Variants in NCOR1 observed in about 807,000 individuals in gnomAD.
NCOR1 encodes nuclear receptor corepressor 1.
In NCOR1, 63 loss-of-function variants were observed where a neutral mutation model predicts 288.1. That is an observed-to-expected ratio of 0.22 (90% CI 0.18 to 0.27). The LOEUF is 0.27. NCOR1 is among the 10% of genes least tolerant of loss of function. NCOR1 has a pLI of 1.00. For synonymous variants in NCOR1, 1,007 were observed against 1,065.9 expected, an observed-to-expected ratio of 0.94 and a Z score of 1.08; for missense variants, 2,397 against 3,019.2, an observed-to-expected ratio of 0.79 and a Z score of 4.83.
chr17:16,079,893 A>G (rs2152810580), intron 26 of NCOR1, 71 bp downstream of exon 26: 1 of 1,341,574 alleles, frequency 7.5e-7, no homozygotes, highest in Admixed American at 1.8e-5. Context: ...CAAAATAGCC[A>G]AAGTGCTAAG....
intron 18 of NCOR1, among the ~76,000 whole-genome samples, chr17:16,112,753 T>G (rs2070576057): frequency 1.3e-5 from 2 of 152,122 alleles, no homozygotes; most frequent in Admixed American, 1.3e-4. Context: ...CCTCCCAACG[T>G]GCTGGGATTA....
intron 40 of NCOR1, 120 bp downstream of exon 40, chr17:16,057,393 CT>C: frequency 2.1e-6 from 2 of 974,398 alleles, no homozygotes; most frequent in East Asian, 2.5e-5. Flanking sequence ...CTCATTTACA[CT>C]TTCCTGGGAA....
intron 29 of NCOR1, 69 bp from the exon 30 acceptor site, chr17:16,071,734 A>G (rs1048599712): frequency 5.6e-6 from 8 of 1,421,078 alleles, no homozygotes; most frequent in Non-Finnish European, 7.6e-6. Context: ...GGAACTGTGC[A>G]CTTAAAAATG....
chr17:16,068,390 A>G, intron 31 of NCOR1: 1 of 380,294 alleles, frequency 2.6e-6, no homozygotes, highest in South Asian at 2.8e-5. Context: ...CATTAAAAAT[A>G]AAATTCAATA....
At chr17:16,182,744 G>A (rs1159741667) in intron 3 of NCOR1, among the ~76,000 whole-genome samples, 1 of 152,146 alleles carries the variant, frequency 6.6e-6, no homozygotes, top group Non-Finnish European at 1.5e-5. Context: ...GAGCCACAGT[G>A]CCCGGCCCAA....
chr17:16,195,476 A>C (rs2089578623), intron 1 of NCOR1, among the ~76,000 whole-genome samples: 1 of 124,332 alleles, frequency 8.0e-6, no homozygotes, highest in South Asian at 2.3e-4. Flanking sequence ...GTCTCAAAAA[A>C]AAAAAGAAAG....
At chr17:16,181,150 CTCTG>C (rs755556427) in intron 3 of NCOR1, among the ~76,000 whole-genome samples, 18 of 149,114 alleles carry the variant, frequency 1.2e-4, no homozygotes, top group Non-Finnish European at 2.2e-4. Context: ...CAGAGTGAGA[CTCTG>C]TCTAAAAAAA....
At chr17:16,078,182 T>C (rs1481566841) in intron 26 of NCOR1, among the ~76,000 whole-genome samples, 12 of 152,184 alleles carry the variant, frequency 7.9e-5, no homozygotes, top group Admixed American at 6.5e-4. Context: ...TGGTGTAAAA[T>C]AGGAGTTAGA....
intron 21 of NCOR1, among the ~76,000 whole-genome samples, chr17:16,095,462 G>A (rs1335821394): frequency 6.9e-6 from 1 of 144,910 alleles, no homozygotes; most frequent in African/African-American, 2.6e-5. Flanking sequence ...CCCCCGCCCG[G>A]CCAGCCGCCC....
chr17:16,038,397 T>C (rs1013334605), intron 44 of NCOR1, among the ~76,000 whole-genome samples: 1 of 152,048 alleles, frequency 6.6e-6, no homozygotes, highest in Non-Finnish European at 1.5e-5. Context: ...GATGATGTGA[T>C]CTGAAGAACT....
chr17:16,080,714 G>A lies in NCOR1; in HGVS notation c.3191C>T (p.Thr1064Ile). The A allele has an allele frequency of 6.2e-7, 1 of 1,612,346 alleles. No individual in the cohort carries two copies. The highest frequency in any genetic ancestry group is 8.5e-7 in the Non-Finnish European group (1 of 1,179,228). ...AGCCTGATTATGAGAAGTCAAATAA[G>A]TGCCTGGTGTTCCCTAAGAAAAAAA... is the stretch of plus-strand genomic sequence containing the variant. ...GGSISQGTPG[T>I]YLTSHNQASY... is the part of the protein sequence containing the mutation. Residue 1064 changes from threonine (T) to isoleucine (I), a missense_variant, in exon 24 of 46, where the codon ACT (threonine) becomes ATT (isoleucine). Thr to Ile is a moderately conservative substitution (Grantham distance 89). Transcript: ENST00000268712.
intron 11 of NCOR1, among the ~76,000 whole-genome samples, chr17:16,143,109 T>C (rs1214556902): frequency 1.3e-5 from 2 of 152,132 alleles, no homozygotes; most frequent in African/African-American, 2.4e-5. Flanking sequence ...AGTTCAACTC[T>C]CTCCCAGGTT....
Position 16,127,377 on chromosome 17 carries a change from A to G in NCOR1, c.1510-1171T>C, listed in dbSNP as rs151297115. 6.3e-3 allele frequency among the ~76,000 whole-genome samples: 763 copies of G among 121,224 alleles called. 100 individuals are homozygous for G. Among genetic ancestry groups the G allele is most frequent in the African/African-American group, 0.025 (722 of 29,100 alleles). The allele number at this position is 121,224 out of a possible 152,430, so 79.5% of individuals were successfully genotyped here. A position where few individuals can be genotyped will look rare whatever the true frequency, so the allele number is the denominator to read the frequency against. On this transcript the variant is annotated intron_variant, in intron 14 of 45. Coordinates refer to ENST00000268712, the MANE Select transcript of NCOR1 (RefSeq NM_006311.4). ...TGTATGTATATATACATGTATGTATATATGTATGTATATATACATGTGTAT... is the reference window on the plus strand; with the variant it reads ...TGTATGTATATATACATGTATGTATGTATGTATGTATATATACATGTGTAT...
rs904799714 is a variant in NCOR1, at chr17:16,088,815, G to C, written c.3017-2373C>G. Among the ~76,000 whole-genome samples the C allele has an allele frequency of 5.3e-5, 8 of 152,036 alleles. No homozygotes were observed. In the East Asian group the frequency reaches 1.5e-3, roughly 29 times the overall value. On this transcript the variant is annotated intron_variant, in intron 22 of 45. Coordinates refer to ENST00000268712, the MANE Select transcript of NCOR1 (RefSeq NM_006311.4). ...TTTTTTTAAAAGCAGTATAATTCCGGACCGTTAGCTCTAAACCACAGTGCA... is the reference window on the plus strand; with the variant it reads ...TTTTTTTAAAAGCAGTATAATTCCGCACCGTTAGCTCTAAACCACAGTGCA...
intron 26 of NCOR1, among the ~76,000 whole-genome samples, chr17:16,079,238 T>G (rs1026228629): frequency 1.2e-4 from 19 of 152,212 alleles, no homozygotes; most frequent in African/African-American, 4.6e-4. Flanking sequence ...GTGATTCTGA[T>G]GCTCCTGGTG....
chr17:16,146,701 AG>A (rs2078043942), intron 9 of NCOR1, among the ~76,000 whole-genome samples, 153 bp from the exon 10 acceptor site: 1 of 152,250 alleles, frequency 6.6e-6, no homozygotes. Context: ...AAGAGGAGAG[AG>A]GAAAGGTAGC....
intron 3 of NCOR1, among the ~76,000 whole-genome samples, chr17:16,180,541 A>C (rs1483600039): frequency 6.6e-6 from 1 of 151,276 alleles, no homozygotes; most frequent in Non-Finnish European, 1.5e-5. Context: ...GCTTGAGGCC[A>C]GGAGTTGGAG....
At chr17:16,201,476 G>A (rs1468962401) in intron 1 of NCOR1, among the ~76,000 whole-genome samples, 2 of 152,122 alleles carry the variant, frequency 1.3e-5, no homozygotes, top group Non-Finnish European at 2.9e-5. Context: ...ACACATGTCT[G>A]TAATCCCAGC....
chr17:16,068,269 A>C, intron 31 of NCOR1, 148 bp from the exon 32 acceptor site: 1 of 672,088 alleles, frequency 1.5e-6, no homozygotes, highest in Non-Finnish European at 2.5e-6. Flanking sequence ...ATATTGCAAA[A>C]TATGAAAATG....
Sources: gnomAD v4.1 joint callset for allele counts (sites outside exome capture counted in the v4.1 genomes callset) on GRCh38, gnomAD v4.1.1 for gene constraint, MANE v1.5 for transcripts, NCBI Gene and HGNC (gene_info 2026-07-23, HGNC 2026-07-21) for gene names.